The following NAF1 variants were observed in gnomAD, a reference collection of about 807,000 sequenced individuals.
The protein encoded by NAF1 is nuclear assembly factor 1 ribonucleoprotein.
NAF1 carries 11 observed loss-of-function variants against 40.6 expected under a neutral mutation model. The ratio of observed to expected loss-of-function variants is 0.27; its 90% CI spans 0.17 to 0.45. The LOEUF is 0.45. NAF1 is among the 20% of genes least tolerant of loss of function. NAF1 has a pLI of 1.00. For synonymous variants in NAF1, 260 were observed against 228.5 expected (o/e 1.14, Z -1.24); for missense variants, 607 against 611.1 (o/e 0.99, Z 0.07).
chr4:163,129,792 C>T (rs112123754), intron 7 of NAF1, among the ~76,000 whole-genome samples: 7 of 152,116 alleles, frequency 4.6e-5, no homozygotes, highest in African/African-American at 9.7e-5. Flanking sequence ...CCTCCACTGG[C>T]GGCAACCCAG....
chr4:163,130,349 A>T (rs1730823405), intron 7 of NAF1, among the ~76,000 whole-genome samples: 1 of 152,234 alleles, frequency 6.6e-6, no homozygotes, highest in Non-Finnish European at 1.5e-5. Context: ...TGAACATTCT[A>T]AAAAATTAAA....
intron 2 of NAF1, among the ~76,000 whole-genome samples, chr4:163,113,455 C>A (rs949552343): frequency 6.6e-6 from 1 of 151,670 alleles, no homozygotes; most frequent in African/African-American, 2.4e-5. Context: ...GCAATTAGAC[C>A]GTATATCCTT....
chr4:163,154,390 T>C (rs753241622), intron 2 of NAF1, among the ~76,000 whole-genome samples: 37 of 152,222 alleles, frequency 2.4e-4, no homozygotes, highest in Non-Finnish European at 3.7e-4. Flanking sequence ...CTAAATAGTA[T>C]ATACAAAATA....
downstream of NAF1, among the ~76,000 whole-genome samples, chr4:163,122,084 T>A (rs1006948926): frequency 6.6e-6 from 1 of 152,120 alleles, no homozygotes; most frequent in African/African-American, 2.4e-5. Flanking sequence ...TGAAAGAAAA[T>A]ACATACAAAT....
intron 2 of NAF1, among the ~76,000 whole-genome samples, chr4:163,111,239 G>A (rs1352433345): frequency 2.6e-5 from 4 of 152,106 alleles, no homozygotes; most frequent in Non-Finnish European, 5.9e-5. Context: ...AATACCAGAG[G>A]AGAGGGAGGA....
rs753091285 is a variant in NAF1, at chr4:163,129,177, AC to A, written c.1204del (p.Val402TyrfsTer46). 1 of 1,613,926 alleles carries A rather than the reference AC, an allele frequency of 6.2e-7. No homozygotes were observed. Among genetic ancestry groups the A allele is most frequent in the Admixed American group, 1.7e-5 (1 of 60,018 alleles). ...PQHFYNSEHM[V>X]SQETSGFPSQ... ...AGGAAATCCTGAAGTCTCCTGAGATACCATATGTTCTGAGTTATAGAAATGC... is the reference window on the plus strand; with the variant it reads ...AGGAAATCCTGAAGTCTCCTGAGATACATATGTTCTGAGTTATAGAAATGC... On this transcript the variant is annotated frameshift_variant, in exon 8 of 8. Coordinates refer to ENST00000274054, the MANE Select transcript of NAF1 (RefSeq NM_138386.3). LOFTEE classifies it low-confidence loss of function (END_TRUNC).
At position 163,140,226 on chromosome 4, in the gene NAF1, T is replaced by C. The variant is rs1405005011; in HGVS notation, c.875A>G (p.Lys292Arg). The stretch of plus-strand genomic sequence containing the variant: ...AACATGCCGGTAAAGTACTTACTGT[T>C]TTAGTTTTTCTGTGAATATATATTG... The part of the protein sequence containing the change: ...FTQYIFTEKL[K>R]QDKGSDASWK... Residue 292 changes from lysine (K) to arginine (R), a missense_variant, in exon 5 of 8, where the codon AAA becomes AGA. Lys to Arg is a conservative substitution (Grantham distance 26, BLOSUM62 2). Coordinates refer to ENST00000274054, the MANE Select transcript of NAF1 (RefSeq NM_138386.3). 6.3e-7 allele frequency: 1 copy of C among 1,588,466 alleles called. No individual in the cohort carries two copies. Among genetic ancestry groups the C allele is most frequent in the African/African-American group, 1.4e-5 (1 of 73,400 alleles).
At chr4:163,125,556 C>T (rs995835853), downstream of NAF1, among the ~76,000 whole-genome samples, 17 of 152,134 alleles carry the variant, frequency 1.1e-4, no homozygotes, top group African/African-American at 3.6e-4. Flanking sequence ...TGAGAGAAAC[C>T]GCAGAGGGAA....
intron 6 of NAF1, among the ~76,000 whole-genome samples, chr4:163,134,005 T>C (rs1320934195): frequency 6.6e-6 from 1 of 152,208 alleles, no homozygotes; most frequent in African/African-American, 2.4e-5. Flanking sequence ...TATAAGCAGA[T>C]ACATGAATGA....
downstream of NAF1, among the ~76,000 whole-genome samples, chr4:163,107,039 T>G (rs145553915): frequency 6.3e-3 from 963 of 151,888 alleles, 13 homozygotes; most frequent in African/African-American, 0.021. Context: ...CAGGCTGGAG[T>G]GCAGTGGTGC....
chr4:163,127,016 G>C (rs773377399), downstream of NAF1: 25 of 1,551,358 alleles, frequency 1.6e-5, no homozygotes, highest in Non-Finnish European at 1.9e-5. Context: ...GCATGTAAAC[G>C]TAACTTTTAT....
At chr4:163,125,094 G>A (rs895208504), downstream of NAF1, among the ~76,000 whole-genome samples, 2 of 152,186 alleles carry the variant, frequency 1.3e-5, no homozygotes, top group Non-Finnish European at 2.9e-5. Flanking sequence ...GGATACATGT[G>A]TATGTTCTGA....
Position 163,166,371 on chromosome 4 carries a change from G to T in NAF1, c.357C>A (p.Asp119Glu). 6.2e-7 allele frequency: 1 copy of T among 1,601,940 alleles called. No individual in the cohort carries two copies. Among genetic ancestry groups the T allele is most frequent in the Non-Finnish European group, 8.5e-7 (1 of 1,173,686 alleles). ...TCCCTTAGGCACCCGACCTGTCCGA[G>T]TCCGAATCCGAGTCCGAGGTCTCCA... ...DSLETSDSDS[D>E]SDSETDSDSS... The change falls in exon 1 of 8, where the codon GAC becomes GAA. Residue 119 changes from aspartate to glutamate, a missense_variant. Physicochemically the swap from Asp to Glu is conservative, Grantham distance 45 (BLOSUM62 2). Transcript: ENST00000274054.
chr4:163,148,301 T>C, intron 3 of NAF1, 40 bp downstream of exon 3: 5 of 1,265,476 alleles, frequency 4.0e-6, no homozygotes, highest in Non-Finnish European at 5.5e-6. Flanking sequence ...TATTAGTGTG[T>C]GTTTGGAAAC....
At chr4:163,161,450 C>T (rs1732216622) in intron 2 of NAF1, among the ~76,000 whole-genome samples, 1 of 151,210 alleles carries the variant, frequency 6.6e-6, no homozygotes, top group African/African-American at 2.4e-5. Flanking sequence ...CCGGCCTGGG[C>T]GACAAGAGCG....
intron 2 of NAF1, among the ~76,000 whole-genome samples, chr4:163,152,255 TAA>T (rs1424445499): frequency 5.3e-5 from 8 of 152,282 alleles, no homozygotes; most frequent in Non-Finnish European, 8.8e-5. Context: ...AAATCAGAAA[TAA>T]GTGTTGAGTT....
intron 2 of NAF1, among the ~76,000 whole-genome samples, chr4:163,152,961 C>A (rs1007178946): frequency 3.9e-5 from 6 of 152,182 alleles, no homozygotes; most frequent in Non-Finnish European, 8.8e-5. Flanking sequence ...GCCCTGCTGG[C>A]CCCCAGCAGT....
intron 4 of NAF1, among the ~76,000 whole-genome samples, chr4:163,142,360 G>A (rs760405598): frequency 2.0e-5 from 3 of 152,024 alleles, no homozygotes; most frequent in Non-Finnish European, 2.9e-5. Context: ...AATAATCATC[G>A]TTTGCAACCT....
At position 163,148,429 on chromosome 4, in the gene NAF1, C is replaced by T; in HGVS notation, c.546G>A (p.Leu182=). The T allele has an allele frequency of 6.4e-7, 1 of 1,569,040 alleles. No individual in the cohort carries two copies. The highest frequency in any genetic ancestry group is 8.6e-7 in the Non-Finnish European group (1 of 1,163,042). ...KTKDELLLNE[L]PSVEELTIIL... ...TAATAGTGAGTTCTTCAACAGAAGG[C>T]AGTTCCTATAATTTAAAACAAAACA... The change falls in exon 3 of 8, where the codon CTG becomes CTA. Residue 182 remains leucine, a synonymous_variant. Transcript: ENST00000274054.
Sources: allele counts gnomAD v4.1 joint callset (sites outside exome capture counted in the v4.1 genomes callset), GRCh38; gene constraint gnomAD v4.1.1; transcripts MANE v1.5; gene names NCBI Gene and HGNC (gene_info 2026-07-23, HGNC 2026-07-21).